Variants in TTC7A observed in about 807,000 individuals in gnomAD.
The protein encoded by TTC7A is tetratricopeptide repeat domain 7A.
TTC7A carries 110 observed loss-of-function variants against 103.7 expected under a neutral mutation model. The observed-to-expected ratio is 1.06, with a 90% CI of 0.91 to 1.24. The LOEUF is 1.24. Ranked by LOEUF, TTC7A falls within the 50% of genes most tolerant of loss-of-function variation. TTC7A has a pLI of 0.00. For synonymous variants in TTC7A, 521 were observed against 467.9 expected (o/e 1.11, Z -1.47); for missense variants, 1,340 against 1,116.3 (o/e 1.20, Z -2.86).
chr2:46,966,498 A>G (rs891372306), intron 3 of TTC7A, among the ~76,000 whole-genome samples: 2 of 152,050 alleles, frequency 1.3e-5, no homozygotes, highest in African/African-American at 4.8e-5. Context: ...TTTTCAATAC[A>G]CCTCTATGTC....
At chr2:46,971,413 C>G (rs191676446) in intron 3 of TTC7A, among the ~76,000 whole-genome samples, 2 of 152,148 alleles carry the variant, frequency 1.3e-5, no homozygotes, top group African/African-American at 4.8e-5. Context: ...ATCCTACAAC[C>G]TAGCAGTTGG....
chr2:46,931,772 A>T (rs1302789686), intron 2 of TTC7A, among the ~76,000 whole-genome samples: 1 of 152,176 alleles, frequency 6.6e-6, no homozygotes, highest in East Asian at 1.9e-4. Flanking sequence ...TTGAGAAGAA[A>T]TGCAGCTCTG....
intron 18 of TTC7A, 135 bp from the exon 19 acceptor site, chr2:47,060,634 G>A (rs1023391902): frequency 8.0e-6 from 6 of 751,080 alleles, no homozygotes; most frequent in African/African-American, 3.5e-5. Context: ...TAGTCAGTGT[G>A]TCCCATGCTG....
chr2:46,972,527 G>A (rs1673459015), intron 3 of TTC7A, among the ~76,000 whole-genome samples: 1 of 152,188 alleles, frequency 6.6e-6, no homozygotes, highest in Non-Finnish European at 1.5e-5. Context: ...AACAACCCCA[G>A]TGGAAAGAGC....
At chr2:46,938,640 A>C (rs1670097515), upstream of TTC7A, among the ~76,000 whole-genome samples, 1 of 152,126 alleles carries the variant, frequency 6.6e-6, no homozygotes, top group Admixed American at 6.5e-5. Context: ...TGGTGTGTAA[A>C]TCAAGCATTA....
rs1682884974 is a variant in TTC7A, at chr2:47,051,830, A to G, written c.2102A>G (p.Gln701Arg). The change falls in exon 18 of 20, where the codon CAG becomes CGG. Residue 701 changes from glutamine (Q) to arginine (R), a missense_variant. By Grantham distance (43) the Gln-to-Arg change is conservative. Coordinates refer to ENST00000319190, the MANE Select transcript of TTC7A (RefSeq NM_020458.4). ...ELTMPSSVLK[Q>R]GPMQLWTTLE... is the part of the protein sequence containing the mutation. ...ACTATGCCCTCTTCGGTCCTGAAGCAGGGCCCCATGCAGCTGTGGACCACG... is the reference window on the plus strand; with the variant it reads ...ACTATGCCCTCTTCGGTCCTGAAGCGGGGCCCCATGCAGCTGTGGACCACG... 1 of 1,612,192 alleles carries G rather than the reference A, an allele frequency of 6.2e-7. No individual in the cohort carries two copies. Among genetic ancestry groups the G allele is most frequent in the Non-Finnish European group, 8.5e-7 (1 of 1,179,762 alleles).
At chr2:47,038,386 G>A (rs942480383) in intron 15 of TTC7A, among the ~76,000 whole-genome samples, 8 of 152,162 alleles carry the variant, frequency 5.3e-5, no homozygotes, top group African/African-American at 1.9e-4. Flanking sequence ...CCGACTTGGT[G>A]CAGCCCAGGC....
chr2:47,068,330 C>G (rs1309724446), intron 19 of TTC7A: 1 of 152,166 alleles, frequency 6.6e-6, no homozygotes, highest in Non-Finnish European at 1.5e-5. Context: ...TGCCCCATGT[C>G]TCAGGGTCCA....
chr2:47,054,074 T>C, intron 18 of TTC7A: 1 of 979,812 alleles, frequency 1.0e-6, no homozygotes. Context: ...CTTTCTTCTT[T>C]GGTCATTGTC....
intron 3 of TTC7A, among the ~76,000 whole-genome samples, chr2:46,965,857 C>T (rs1672788521): frequency 6.6e-6 from 1 of 151,938 alleles, no homozygotes; most frequent in Admixed American, 6.6e-5. Context: ...GCCACCATGC[C>T]CCGCTTAGAT....
chr2:47,012,773 A>G (rs1475215761), intron 11 of TTC7A, among the ~76,000 whole-genome samples: 1 of 152,120 alleles, frequency 6.6e-6, no homozygotes, highest in Non-Finnish European at 1.5e-5. Flanking sequence ...CAGTCCTCCC[A>G]AGCACAAAGA....
At chr2:46,929,231 C>A (rs1276820209) in intron 2 of TTC7A, among the ~76,000 whole-genome samples, 2 of 151,896 alleles carry the variant, frequency 1.3e-5, no homozygotes, top group African/African-American at 2.4e-5. Flanking sequence ...TGCATGTAAT[C>A]CTAGCACTTT....
chr2:46,987,636 G>C (rs958976528), intron 5 of TTC7A, among the ~76,000 whole-genome samples: 2 of 152,182 alleles, frequency 1.3e-5, no homozygotes, highest in Admixed American at 6.5e-5. Context: ...ATTGAACCAG[G>C]TGGGCAGCAG....
chr2:46,978,859 T>G lies in TTC7A; in HGVS notation c.716T>G (p.Phe239Cys), dbSNP rs1558531707. ...CHPLDYELTY[F>C]LEAALQSAYV... ...CCGCTTGACTATGAGCTCACCTACT[T>G]CCTGGAAGCTGCCCTCCAGAGCGCC... Residue 239 changes from phenylalanine (F) to cysteine (C), a missense_variant, in exon 5 of 20, where the codon TTC becomes TGC. Coordinates refer to ENST00000319190, the MANE Select transcript of TTC7A (RefSeq NM_020458.4). 5 of 1,614,082 alleles carry G rather than the reference T, an allele frequency of 3.1e-6. No individual in the cohort carries two copies. Among genetic ancestry groups the G allele is most frequent in the Non-Finnish European group, 4.2e-6 (5 of 1,179,988 alleles).
At chr2:47,051,721 C>T (rs772206189) in intron 17 of TTC7A, 25 bp from the exon 18 acceptor site, 18 of 1,599,078 alleles carry the variant, frequency 1.1e-5, no homozygotes, top group African/African-American at 9.4e-5. Context: ...GACCACTGCT[C>T]GGCTCGTGCC....
chr2:46,957,265 C>T (rs1186754937), intron 3 of TTC7A, among the ~76,000 whole-genome samples: 1 of 152,254 alleles, frequency 6.6e-6, no homozygotes, highest in Non-Finnish European at 1.5e-5. Flanking sequence ...TGGGCAATCA[C>T]CTCTTCACCT....
intron 15 of TTC7A, among the ~76,000 whole-genome samples, chr2:47,033,137 T>G (rs12105384): frequency 3.3e-5 from 5 of 152,232 alleles, no homozygotes; most frequent in African/African-American, 9.6e-5. Context: ...CGATTGACAC[T>G]GCTCCCTGCT....
chr2:46,929,628 G>A (rs114406271), intron 2 of TTC7A, among the ~76,000 whole-genome samples: 2,085 of 152,154 alleles, frequency 0.014, 47 homozygotes, highest in African/African-American at 0.048. Flanking sequence ...TAACACGGGG[G>A]TACAGCTAAC....
chr2:46,949,251 T>C (rs10084332), intron 1 of TTC7A, among the ~76,000 whole-genome samples: 5,450 of 152,252 alleles, frequency 0.036, 126 homozygotes, highest in Non-Finnish European at 0.053. Flanking sequence ...ATTTTTATTT[T>C]TTGAGACAGA....
Sources: allele counts gnomAD v4.1 joint callset (sites outside exome capture counted in the v4.1 genomes callset), GRCh38; gene constraint gnomAD v4.1.1; transcripts MANE v1.5; gene names NCBI Gene and HGNC (gene_info 2026-07-23, HGNC 2026-07-21).